Variants in EVI5L observed in about 807,000 individuals in gnomAD.
EVI5L encodes the protein ecotropic viral integration site 5 like, also known as EVI5-like protein.
A neutral mutation model predicts 106.1 loss-of-function variants in EVI5L; 30 were observed. The ratio of observed to expected loss-of-function variants is 0.28; its 90% confidence interval spans 0.21 to 0.38. The LOEUF (loss-of-function observed/expected upper bound fraction) is 0.38, where lower values mean the gene tolerates loss of function less well. Ranked by LOEUF, EVI5L falls within the 10% of genes least tolerant of loss-of-function variation. EVI5L has a pLI of 1.00. For missense variants in EVI5L, 809 were observed against 1,098.0 expected (o/e 0.74, Z 3.72); for synonymous variants, 489 against 483.3 (o/e 1.01, Z -0.15).
chr19:7,842,916 G>A (rs1440495670), intron 1 of EVI5L, among the ~76,000 whole-genome samples: 1 of 152,066 alleles, frequency 6.6e-6, no homozygotes, highest in East Asian at 1.9e-4. Context: ...GTGCATGTGT[G>A]TGTGAAGGTA....
intron 14 of EVI5L, 41 bp downstream of exon 14, chr19:7,860,730 T>C (rs1300493121): frequency 2.2e-5 from 33 of 1,532,774 alleles, no homozygotes; most frequent in Non-Finnish European, 2.9e-5. Flanking sequence ...GGGGGGACCC[T>C]GGGGCACAGG....
chr19:7,852,399 C>A (rs1030135879), intron 8 of EVI5L, among the ~76,000 whole-genome samples: 4 of 152,156 alleles, frequency 2.6e-5, no homozygotes, highest in Non-Finnish European at 5.9e-5. Context: ...GGAGCTGTGT[C>A]CCCCCTGGGC....
At chr19:7,839,112 G>C (rs1365747539) in intron 1 of EVI5L, among the ~76,000 whole-genome samples, 1 of 151,946 alleles carries the variant, frequency 6.6e-6, no homozygotes, top group Non-Finnish European at 1.5e-5. Context: ...ACCATCCTGG[G>C]TAACACAGTG....
intron 8 of EVI5L, 165 bp from the exon 9 acceptor site, chr19:7,852,921 T>C: frequency 1.5e-6 from 1 of 663,950 alleles, no homozygotes; most frequent in Non-Finnish European, 2.6e-6. Flanking sequence ...CCCCTCACGC[T>C]CAGTCTTTCC....
chr19:7,834,661 C>T lies in EVI5L; in HGVS notation c.-48+4280C>T, dbSNP rs1424285456. The stretch of plus-strand genomic sequence containing the variant: ...GGATGCCTACTAGACTCTGAAGATC[C>T]AATAGTGGGCTAGACAGCCCCAGCC... On this transcript the variant is annotated intron_variant, in intron 1 of 19. Transcript: ENST00000538904. Among the ~76,000 whole-genome samples, 16 of 152,218 alleles carry T rather than the reference C, an allele frequency of 1.1e-4. No homozygotes were observed. The East Asian group carries it at 3.1e-3, about 29-fold the overall frequency.
In EVI5L at chr19:7,863,598, C is replaced by A. The variant is rs1490016653; in HGVS notation, c.2314C>A (p.Arg772Ser). 2 of 1,578,314 alleles carry A rather than the reference C, an allele frequency of 1.3e-6. No individual in the cohort carries two copies. The highest frequency in any genetic ancestry group is 1.7e-6 in the Non-Finnish European group (2 of 1,163,076). The change falls in exon 20 of 20, where the codon CGC becomes AGC. Residue 772 changes from arginine to serine, a missense_variant. Physicochemically the swap from Arg to Ser is moderately radical, Grantham distance 110. Coordinates refer to ENST00000538904, the MANE Select transcript of EVI5L (RefSeq NM_001159944.3). The surrounding 1 kb of genome is among the most constrained non-coding windows in gnomAD (Gnocchi z 7.7). ...GTACCCTCTGTCCCCGCGCGATGCG[C>A]GCTTCTTCCGCCGTCTGGAGCGGCC... ...ALYPLSPRDA[R>S]FFRRLERPAK... is the part of the protein sequence containing the mutation.
At chr19:7,837,631 G>A (rs1978397410) in intron 1 of EVI5L, among the ~76,000 whole-genome samples, 1 of 152,162 alleles carries the variant, frequency 6.6e-6, no homozygotes, top group South Asian at 2.1e-4. Context: ...CCTCTGGGCT[G>A]TGACAGTTTC....
chr19:7,844,498 C>T (rs1457415382), intron 1 of EVI5L, among the ~76,000 whole-genome samples: 1 of 152,210 alleles, frequency 6.6e-6, no homozygotes, highest in Non-Finnish European at 1.5e-5. Context: ...ACCTCCTCCC[C>T]ATTCTCCCAG....
rs772487515 is a variant in EVI5L at position 7,860,606 on chromosome 19, G to A, written c.1420G>A (p.Glu474Lys). 6.2e-6 allele frequency: 10 copies of A among 1,601,786 alleles called. No homozygotes were observed. Among genetic ancestry groups the A allele is most frequent in the Non-Finnish European group, 8.5e-6 (10 of 1,174,598 alleles). ...AGACTTCGTGTCCCACCTGGAGACCGAGCTGGAGCAGTCGAGGCTGCGGGA... is the reference window on the plus strand; with the variant it reads ...AGACTTCGTGTCCCACCTGGAGACCAAGCTGGAGCAGTCGAGGCTGCGGGA... ...TEDFVSHLETELEQSRLRETE... is the reference protein window; with the variant it reads ...TEDFVSHLETKLEQSRLRETE... The change falls in exon 14 of 20, where the codon GAG (glutamate) becomes AAG (lysine). Residue 474 changes from glutamate (E) to lysine (K), a missense_variant. By Grantham distance (56) the Glu-to-Lys change is moderately conservative. Transcript: ENST00000538904.
intron 1 of EVI5L, 120 bp from the exon 2 acceptor site, chr19:7,846,376 T>G (rs1454228828): frequency 2.3e-6 from 2 of 860,032 alleles, no homozygotes; most frequent in Non-Finnish European, 1.7e-6. Context: ...GGATGAGGGG[T>G]GCACGGACGG....
rs1284552309 is a variant in EVI5L at position 7,856,085 on chromosome 19, C to T, written c.1200+17C>T. On this transcript the variant is annotated intron_variant, in intron 11 of 19. Transcript: ENST00000538904. The surrounding 1 kb of genome is among the most constrained non-coding windows in gnomAD (Gnocchi z 6.6). ...CTAGAGAAGGTGAGGGGCGTGGCCA[C>T]TGTGAGGACATGGTCGCCATGGGGT... 8 of 1,320,378 alleles carry T rather than the reference C, an allele frequency of 6.1e-6. No homozygotes were observed. Among genetic ancestry groups the T allele is most frequent in the Non-Finnish European group, 7.8e-6 (8 of 1,025,454 alleles). The allele number at this position is 1,320,378 out of a possible 1,614,324, so 81.8% of individuals were successfully genotyped here.
rs769118017 is a variant in EVI5L, at chr19:7,850,581, A to G, written c.753+459A>G. 2.0e-5 allele frequency among the ~76,000 whole-genome samples: 3 copies of G among 152,142 alleles called. No homozygotes were observed. Among genetic ancestry groups the G allele is most frequent in the Non-Finnish European group, 2.9e-5 (2 of 68,006 alleles). On this transcript the variant is annotated intron_variant, in intron 6 of 19. Transcript: ENST00000538904. This position sits in a 1 kb window ranked among gnomAD's most constrained non-coding sequence, Gnocchi z 5.4. Reference sequence around the variant, plus strand: ...AGAGCCGCCAAGGCCGTTTGCGAACATACACACACCCGCATGCATACACAC... The same window carrying G: ...AGAGCCGCCAAGGCCGTTTGCGAACGTACACACACCCGCATGCATACACAC...
At chr19:7,841,764 T>C (rs919041978) in intron 1 of EVI5L, among the ~76,000 whole-genome samples, 1 of 152,132 alleles carries the variant, frequency 6.6e-6, no homozygotes, top group South Asian at 2.1e-4. Context: ...CCATCCAGCA[T>C]AGGGAGATGG....
Position 7,853,069 on chromosome 19 carries a change from C to T in EVI5L, c.988-17C>T, listed in dbSNP as rs368326668. 8 of 1,613,162 alleles carry T rather than the reference C, an allele frequency of 5.0e-6. No individual in the cohort carries two copies. The highest frequency in any genetic ancestry group is 1.7e-5 in the Admixed American group (1 of 59,996). ...GCCTGCATGTTGGTGACCAGGTGACCGGCTGTGTCCCCACAGTACTTCCAG... is the reference window on the plus strand; with the variant it reads ...GCCTGCATGTTGGTGACCAGGTGACTGGCTGTGTCCCCACAGTACTTCCAG... On this transcript the variant is annotated splice_polypyrimidine_tract_variant and intron_variant, in intron 8 of 19. Transcript: ENST00000538904.
In EVI5L at chr19:7,850,600, T is replaced by TAC. The variant is rs1437672012; in HGVS notation, c.753+487_753+488dup. ...GCGAACATACACACACCCGCATGCA[T>TAC]ACACACACACGCAGACACACACACA... On this transcript the variant is annotated intron_variant, in intron 6 of 19. Coordinates refer to ENST00000538904, the MANE Select transcript of EVI5L (RefSeq NM_001159944.3). The surrounding 1 kb of genome is among the most constrained non-coding windows in gnomAD (Gnocchi z 5.4). 1.3e-5 allele frequency among the ~76,000 whole-genome samples: 2 copies of TAC among 151,934 alleles called. No homozygotes were observed. Among genetic ancestry groups the TAC allele is most frequent in the Admixed American group, 6.6e-5 (1 of 15,254 alleles).
rs1268601516 is a variant in EVI5L at position 7,847,816 on chromosome 19, G to C, written c.222G>C (p.Ser74=). 2 of 1,611,944 alleles carry C rather than the reference G, an allele frequency of 1.2e-6. No homozygotes were observed. Among genetic ancestry groups the C allele is most frequent in the East Asian group, 2.2e-5 (1 of 44,746 alleles). Residue 74 remains serine, a synonymous_variant, in exon 3 of 20, where the codon TCG becomes TCC. Transcript: ENST00000538904. ...NSGSSLVSSS[S]ASSNLSHLEE... The stretch of plus-strand genomic sequence containing the variant: ...GCTCCTCGCTAGTGTCCAGCTCCTC[G>C]GCCTCCTCCAACCTGAGCCACCTGG...
Sources: gnomAD v4.1 joint callset for allele counts (sites outside exome capture counted in the v4.1 genomes callset) on GRCh38, gnomAD v4.1.1 for gene constraint, Gnocchi (gnomAD v3.1) non-coding constraint, MANE v1.5 for transcripts, NCBI Gene and HGNC (gene_info 2026-07-23, HGNC 2026-07-21) for gene names.